The following WDFY3 variants were observed in gnomAD, a reference collection of about 807,000 sequenced individuals.
WDFY3 encodes WD repeat and FYVE domain containing 3.
In WDFY3, 66 loss-of-function variants were observed where a neutral mutation model predicts 409.6. The observed-to-expected ratio is 0.16, with a 90% CI of 0.13 to 0.20. The LOEUF is 0.20. Ranked by LOEUF, WDFY3 falls within the 10% of genes least tolerant of loss-of-function variation. WDFY3 has a pLI of 1.00. For synonymous variants in WDFY3, 1,521 were observed against 1,537.1 expected, an observed-to-expected ratio of 0.99 and a Z score of 0.25; for missense variants, 3,031 against 4,298.1, an observed-to-expected ratio of 0.71 and a Z score of 8.24.
At chr4:84,695,517 G>T (rs1172504698) in intron 58 of WDFY3, among the ~76,000 whole-genome samples, 31 of 136,662 alleles carry the variant, frequency 2.3e-4, no homozygotes, top group African/African-American at 8.2e-4. Context: ...GATAGAGAGA[G>T]AGAGAGAGAG....
At chr4:84,724,183 G>A (rs902977457) in intron 46 of WDFY3, among the ~76,000 whole-genome samples, 42 of 152,126 alleles carry the variant, frequency 2.8e-4, no homozygotes, top group African/African-American at 9.9e-4. Context: ...AGAATTCTGA[G>A]AAATACAATT....
At chr4:84,921,536 TTATCAA>T (rs1173246959) in intron 2 of WDFY3, among the ~76,000 whole-genome samples, 2 of 152,062 alleles carry the variant, frequency 1.3e-5, no homozygotes, top group East Asian at 3.9e-4. Flanking sequence ...TTATATGTCT[TTATCAA>T]TATCTGACAT....
chr4:84,839,422 T>C (rs999677575), intron 6 of WDFY3, among the ~76,000 whole-genome samples: 2 of 152,074 alleles, frequency 1.3e-5, no homozygotes, highest in Non-Finnish European at 2.9e-5. Context: ...CTGGGACCAT[T>C]TGAAGATTAC....
chr4:84,845,212 C>G (rs1030232758), intron 5 of WDFY3, among the ~76,000 whole-genome samples: 6 of 152,140 alleles, frequency 3.9e-5, no homozygotes, highest in African/African-American at 1.2e-4. Flanking sequence ...TAATCTTGTT[C>G]TGGTGAACAA....
intron 17 of WDFY3, among the ~76,000 whole-genome samples, chr4:84,798,882 C>A (rs1452642509): frequency 8.4e-6 from 1 of 118,652 alleles, no homozygotes; most frequent in Non-Finnish European, 1.8e-5. Flanking sequence ...TCTTCCATGG[C>A]TGTCCATTTC....
At chr4:84,961,591 C>CTG (rs933733844) in intron 1 of WDFY3, among the ~76,000 whole-genome samples, 1 of 152,078 alleles carries the variant, frequency 6.6e-6, no homozygotes, top group African/African-American at 2.4e-5. Context: ...AGTAAAAACT[C>CTG]AACAAACAGC....
intron 4 of WDFY3, among the ~76,000 whole-genome samples, chr4:84,854,323 A>G (rs183972730): frequency 3.7e-4 from 56 of 152,310 alleles, no homozygotes; most frequent in African/African-American, 1.3e-3. Context: ...ATGGTACAAG[A>G]TAAGGTTGGA....
At chr4:84,732,260 T>C (rs1284357405) in intron 44 of WDFY3, among the ~76,000 whole-genome samples, 13 of 152,200 alleles carry the variant, frequency 8.5e-5, no homozygotes, top group African/African-American at 3.1e-4. Context: ...ATTTTAAAAA[T>C]GTTACTGTTA....
chr4:84,862,457 A>T (rs1229638793), intron 3 of WDFY3, among the ~76,000 whole-genome samples: 1 of 152,226 alleles, frequency 6.6e-6, no homozygotes, highest in Non-Finnish European at 1.5e-5. Context: ...TGTTTTCCAA[A>T]TATAAATATT....
chr4:84,708,229 G>A (rs1732301666), intron 53 of WDFY3, among the ~76,000 whole-genome samples: 1 of 152,112 alleles, frequency 6.6e-6, no homozygotes, highest in African/African-American at 2.4e-5. Context: ...AAGCCTTCTT[G>A]GAATAGTATA....
chr4:84,736,981 A>G lies in WDFY3; in HGVS notation c.6757+203T>C, dbSNP rs531549924. On this transcript the variant is annotated intron_variant, in intron 41 of 67. Transcript: ENST00000295888. ...AATGCATAAACGCCTGATGTATAAC[A>G]TACCTCAGATGCTAAAAAAAAAAAA... 4.6e-5 allele frequency among the ~76,000 whole-genome samples: 7 copies of G among 151,444 alleles called. No homozygotes were observed. In the South Asian group the frequency reaches 1.5e-3, roughly 32 times the overall value.
intron 64 of WDFY3, among the ~76,000 whole-genome samples, chr4:84,681,001 C>T (rs1727254478): frequency 6.6e-6 from 1 of 152,172 alleles, no homozygotes; most frequent in African/African-American, 2.4e-5. Flanking sequence ...GGCTATTGGA[C>T]TAATGTGAAT....
intron 32 of WDFY3, among the ~76,000 whole-genome samples, chr4:84,757,943 G>A (rs1741740904): frequency 6.6e-6 from 1 of 152,218 alleles, no homozygotes; most frequent in Non-Finnish European, 1.5e-5. Context: ...CGTTGTGGCT[G>A]CAGCTATCCA....
intron 32 of WDFY3, among the ~76,000 whole-genome samples, chr4:84,758,807 T>C (rs1320307632): frequency 2.0e-5 from 3 of 152,190 alleles, no homozygotes; most frequent in African/African-American, 7.2e-5. Flanking sequence ...AAATTACTAT[T>C]ATCATTTTTA....
At chr4:84,695,509 TAGAGAGAGAGAGAGAGAGAGAGAGAG>T (rs869147060) in intron 58 of WDFY3, among the ~76,000 whole-genome samples, 14 of 107,286 alleles carry the variant, frequency 1.3e-4, no homozygotes, top group Non-Finnish European at 7.6e-5. Flanking sequence ...CAGAGAGAGA[TAGAGAGAGAGAGAGAGAGAGAGAGAG>T]AGAGAGAGAG....
chr4:84,852,836 C>T (rs1170713070), intron 4 of WDFY3, among the ~76,000 whole-genome samples: 1 of 151,934 alleles, frequency 6.6e-6, no homozygotes, highest in African/African-American at 2.4e-5. Context: ...TGGTTCACTG[C>T]TATCTCAACC....
chr4:84,935,329 T>C (rs1028016628), intron 1 of WDFY3, among the ~76,000 whole-genome samples: 1 of 152,176 alleles, frequency 6.6e-6, no homozygotes, highest in Non-Finnish European at 1.5e-5. Flanking sequence ...ATAACTTCAC[T>C]ACCAAAAGGT....
intron 35 of WDFY3, among the ~76,000 whole-genome samples, chr4:84,752,475 C>T (rs989976270): frequency 1.3e-5 from 2 of 150,086 alleles, no homozygotes; most frequent in African/African-American, 2.5e-5. Flanking sequence ...TGCAGTGAGC[C>T]GAGATCGTGC....
intron 2 of WDFY3, among the ~76,000 whole-genome samples, chr4:84,917,168 A>G (rs1464204674): frequency 6.6e-6 from 1 of 152,162 alleles, no homozygotes; most frequent in African/African-American, 2.4e-5. Context: ...CCTTTGTGGT[A>G]ATATTACTAG....
Sources: allele counts gnomAD v4.1 joint callset (sites outside exome capture counted in the v4.1 genomes callset), GRCh38; gene constraint gnomAD v4.1.1; transcripts MANE v1.5; gene names NCBI Gene and HGNC (gene_info 2026-07-23, HGNC 2026-07-21).